NRXN3: variants seen among roughly 807,000 people sequenced by gnomAD.
NRXN3 encodes neurexin III.
NRXN3 carries 32 observed loss-of-function variants against 137.6 expected under a neutral mutation model. The observed-to-expected ratio is 0.23, with a 90% CI of 0.18 to 0.31. The LOEUF is 0.31. Among genes scored for constraint, NRXN3 ranks in the 10% least tolerant of loss-of-function variants. NRXN3 has a pLI of 1.00. For missense variants in NRXN3, 1,574 were observed against 2,062.5 expected (o/e 0.76, Z 4.59); for synonymous variants, 798 against 784.5 (o/e 1.02, Z -0.29).
At chr14:78,595,514 TA>T (rs60075242) in intron 4 of NRXN3, among the ~76,000 whole-genome samples, 5,911 of 152,238 alleles carry the variant, frequency 0.039, 134 homozygotes, top group Middle Eastern at 0.068. Context: ...AAACTCTCCC[TA>T]AAGAGGTATC....
chr14:79,130,917 A>G (rs1194692830), intron 15 of NRXN3, among the ~76,000 whole-genome samples: 1 of 151,862 alleles, frequency 6.6e-6, no homozygotes, highest in Admixed American at 6.6e-5. Context: ...TTCTCGCTTC[A>G]TTTCATTCAC....
At chr14:79,347,975 C>A (rs2092984086) in intron 15 of NRXN3, among the ~76,000 whole-genome samples, 1 of 152,130 alleles carries the variant, frequency 6.6e-6, no homozygotes, top group South Asian at 2.1e-4. Context: ...TTGAATTAAA[C>A]CCTTATATAT....
chr14:78,340,222 T>C (rs747536618), intron 4 of NRXN3, among the ~76,000 whole-genome samples: 32 of 152,112 alleles, frequency 2.1e-4, no homozygotes, highest in Non-Finnish European at 3.2e-4. Context: ...TCCTCCAAGA[T>C]AGTGAGTGGA....
At chr14:79,697,028 G>T (rs1277878781) in intron 18 of NRXN3, among the ~76,000 whole-genome samples, 1 of 151,918 alleles carries the variant, frequency 6.6e-6, no homozygotes, top group Non-Finnish European at 1.5e-5. Context: ...TATGCCCAAT[G>T]AAGATTTATA....
At chr14:78,527,869 A>G (rs1006394328) in intron 4 of NRXN3, among the ~76,000 whole-genome samples, 1 of 152,206 alleles carries the variant, frequency 6.6e-6, no homozygotes, top group African/African-American at 2.4e-5. Flanking sequence ...TCTTAAAAAG[A>G]TTATCATTTG....
chr14:78,269,021 A>G (rs1471996653), intron 2 of NRXN3, among the ~76,000 whole-genome samples: 2 of 152,194 alleles, frequency 1.3e-5, no homozygotes, highest in Non-Finnish European at 1.5e-5. Context: ...AACGAATGAT[A>G]TAGCACTCTG....
At chr14:78,803,535 C>A in intron 8 of NRXN3, 85 bp from the exon 9 acceptor site, 1 of 1,257,952 alleles carries the variant, frequency 7.9e-7, no homozygotes, top group Non-Finnish European at 1.2e-6. Context: ...GGCACCCTCT[C>A]TACTCGCTTA....
At chr14:79,000,397 A>C (rs1055870216) in intron 15 of NRXN3, among the ~76,000 whole-genome samples, 1 of 152,164 alleles carries the variant, frequency 6.6e-6, no homozygotes, top group African/African-American at 2.4e-5. Context: ...GTCCATTGGC[A>C]AGACTTGTAT....
chr14:78,667,241 AAGTT>A (rs2097894759), intron 6 of NRXN3, among the ~76,000 whole-genome samples: 1 of 152,180 alleles, frequency 6.6e-6, no homozygotes, highest in Non-Finnish European at 1.5e-5. Context: ...TGCCTTGGAC[AAGTT>A]AGTTAGTGTC....
intron 15 of NRXN3, among the ~76,000 whole-genome samples, chr14:79,245,335 C>T (rs1260106746): frequency 6.6e-6 from 1 of 151,866 alleles, no homozygotes; most frequent in African/African-American, 2.4e-5. Flanking sequence ...ATTGACTCCT[C>T]AGAATCCAGA....
chr14:78,642,217 G>A (rs961740102), intron 4 of NRXN3, among the ~76,000 whole-genome samples: 1 of 152,140 alleles, frequency 6.6e-6, no homozygotes, highest in East Asian at 1.9e-4. Flanking sequence ...CATGCCCCAA[G>A]CCCAGAGTAC....
At chr14:79,410,941 G>C (rs938185987) in intron 15 of NRXN3, among the ~76,000 whole-genome samples, 3 of 151,990 alleles carry the variant, frequency 2.0e-5, no homozygotes, top group Admixed American at 6.6e-5. Flanking sequence ...TACAGTTTTG[G>C]GGGGGAAGAT....
At chr14:79,602,082 C>T (rs550003900) in intron 16 of NRXN3, among the ~76,000 whole-genome samples, 74 of 152,306 alleles carry the variant, frequency 4.9e-4, no homozygotes, top group African/African-American at 1.7e-3. Context: ...CTAAATACAA[C>T]ATACCTGTAA....
chr14:78,982,387 C>T (rs34559943), intron 14 of NRXN3, among the ~76,000 whole-genome samples: 13,087 of 152,104 alleles, frequency 0.086, 883 homozygotes, highest in Non-Finnish European at 0.11. Context: ...GAGAGGCTTA[C>T]GGTCCAGTAG....
At chr14:79,810,088 A>G (rs1468155137) in intron 20 of NRXN3, among the ~76,000 whole-genome samples, 1 of 152,208 alleles carries the variant, frequency 6.6e-6, no homozygotes, top group Non-Finnish European at 1.5e-5. Context: ...AAACAAATGT[A>G]TTCTTGGATG....
At chr14:78,371,145 C>T (rs2086758158) in intron 4 of NRXN3, among the ~76,000 whole-genome samples, 1 of 152,128 alleles carries the variant, frequency 6.6e-6, no homozygotes, top group Admixed American at 6.5e-5. Context: ...TCCCCGTTTT[C>T]CTTCCCAAAT....
chr14:78,634,248 C>T (rs17107972), intron 4 of NRXN3, among the ~76,000 whole-genome samples: 9 of 152,246 alleles, frequency 5.9e-5, no homozygotes, highest in East Asian at 1.9e-4. Context: ...TGCCAACGCA[C>T]GGAGCAGTGG....
At position 78,786,691 on chromosome 14, in the gene NRXN3, G is replaced by A. The variant is rs1246977129; in HGVS notation, c.2045-16929G>A. On this transcript the variant is annotated intron_variant, in intron 8 of 20. Transcript: ENST00000335750. Reference sequence around the variant, plus strand: ...TCAGTGTTCACAAAAAAACACAAAAGCAATGTTCTGACTAGGTGACTCAAT... The same window carrying A: ...TCAGTGTTCACAAAAAAACACAAAAACAATGTTCTGACTAGGTGACTCAAT... 3.9e-5 allele frequency among the ~76,000 whole-genome samples: 6 copies of A among 152,210 alleles called. No homozygotes were observed. In the East Asian group the frequency reaches 9.6e-4, roughly 24 times the overall value.
chr14:79,637,026 TC>T (rs1406122597), intron 16 of NRXN3, among the ~76,000 whole-genome samples: 1 of 152,160 alleles, frequency 6.6e-6, no homozygotes, highest in Non-Finnish European at 1.5e-5. Flanking sequence ...ATTGAGTTGT[TC>T]TGTTTTAATG....
Sources: allele counts gnomAD v4.1 joint callset (sites outside exome capture counted in the v4.1 genomes callset), GRCh38; gene constraint gnomAD v4.1.1; transcripts MANE v1.5; gene names NCBI Gene and HGNC (gene_info 2026-07-23, HGNC 2026-07-21).